The following KMT2D variants were observed in gnomAD, a reference collection of about 807,000 sequenced individuals.
KMT2D encodes the protein lysine methyltransferase 2D, also known as histone-lysine N-methyltransferase 2D.
Under a neutral mutation model 512.7 loss-of-function variants are expected in KMT2D, and 55 were observed. The ratio of observed to expected loss-of-function variants is 0.11; its 90% confidence interval spans 0.09 to 0.13. The LOEUF (loss-of-function observed/expected upper bound fraction) is 0.13, where lower values mean the gene tolerates loss of function less well. KMT2D is among the 10% of genes least tolerant of loss of function. KMT2D has a pLI of 1.00. For missense variants in KMT2D, 6,061 were observed against 7,127.9 expected (o/e 0.85, Z 5.39); for synonymous variants, 2,995 against 2,904.0 (o/e 1.03, Z -1.01).
rs2120513173 is a variant in KMT2D, at chr12:49,039,581, T to C, written c.8083A>G (p.Ile2695Val). The change falls in exon 33 of 55, where the codon ATC becomes GTC. Residue 2695 changes from isoleucine to valine, a missense_variant. Physicochemically the swap from Ile to Val is conservative, Grantham distance 29 (BLOSUM62 3). Around this residue, in one of 16 missense-constraint regions of KMT2D, gnomAD observed 527 missense variants for 578.9 expected, o/e 0.91. Transcript: ENST00000301067. The surrounding 1 kb of genome is among the most constrained non-coding windows in gnomAD (Gnocchi z 5.0). ...TCCTGCCGCAGGGTGTTGCGCTGGA[T>C]CTGCTGCCGAATCAGCAGCTCTCGT... is the stretch of plus-strand genomic sequence containing the variant. ...RLRELLIRQQ[I>V]QRNTLRQEKE... 1 of 1,611,004 alleles carries C rather than the reference T, an allele frequency of 6.2e-7. No homozygotes were observed. Among genetic ancestry groups the C allele is most frequent in the African/African-American group, 1.3e-5 (1 of 75,026 alleles).
rs2120706674 is a variant in KMT2D at position 49,054,281 on chromosome 12, T to C, written c.510+26A>G. 1.3e-6 allele frequency: 2 copies of C among 1,563,256 alleles called. No individual in the cohort carries two copies. Among genetic ancestry groups the C allele is most frequent in the Non-Finnish European group, 1.7e-6 (2 of 1,152,350 alleles). On this transcript the variant is annotated intron_variant, in intron 5 of 54. Coordinates refer to ENST00000301067, the MANE Select transcript of KMT2D (RefSeq NM_003482.4). This position sits in a 1 kb window ranked among gnomAD's most constrained non-coding sequence, Gnocchi z 6.4. ...AAGCCCACCAGCCCTGCCCTTCACC[T>C]ATGCAATCCCCTGGCCCAGCCCCAC...
Position 49,031,307 on chromosome 12 carries a change from T to A in KMT2D, c.13398A>T (p.Leu4466=). 6.2e-7 allele frequency: 1 copy of A among 1,613,488 alleles called. No individual in the cohort carries two copies. Among genetic ancestry groups the A allele is most frequent in the South Asian group, 1.1e-5 (1 of 91,078 alleles). Residue 4466 remains leucine (L), a synonymous_variant, in exon 40 of 55, where the codon CTA becomes CTT. Coordinates refer to ENST00000301067, the MANE Select transcript of KMT2D (RefSeq NM_003482.4). Reference sequence around the variant, plus strand: ...TGAGTTGCACATTCTTTGCCCGGAGTAGCTTCTGCAAGAGCAGATGCCCAG... The same window carrying A: ...TGAGTTGCACATTCTTTGCCCGGAGAAGCTTCTGCAAGAGCAGATGCCCAG... ...SEAGHLLLQK[L]LRAKNVQLST... is the part of the protein sequence containing the mutation.
rs1041805872 is a variant in KMT2D at position 49,040,062 on chromosome 12, G to A, written c.7708C>T (p.Pro2570Ser). ...GTGCTTTGAGGCTTGCCCAAGGTGG[G>A]GCCGGGCCCAAAATGGCTGTTGATC... ...HGINSHFGPG[P>S]TLGKPQSTNY... Residue 2570 changes from proline to serine, a missense_variant, in exon 32 of 55, where the codon CCC becomes TCC. Transcript: ENST00000301067. 5 of 1,613,842 alleles carry A rather than the reference G, an allele frequency of 3.1e-6. No individual in the cohort carries two copies. In the African/African-American group the frequency reaches 5.3e-5, roughly 17 times the overall value.
At chr12:49,053,665 G>A (rs1166664002) in intron 6 of KMT2D, 24 bp from the exon 7 acceptor site, 5 of 1,576,158 alleles carry the variant, frequency 3.2e-6, no homozygotes, top group African/African-American at 1.4e-5. Flanking sequence ...AGACACCACA[G>A]GTCAGCTATG....
rs184914910 is a variant in KMT2D, at chr12:49,025,726, C to T, written c.15784+456G>A. On this transcript the variant is annotated intron_variant, in intron 49 of 54. Coordinates refer to ENST00000301067, the MANE Select transcript of KMT2D (RefSeq NM_003482.4). The stretch of plus-strand genomic sequence containing the variant: ...AGGGTTGTATGAACAAAATAAACTA[C>T]ACAAATCACTTAGCTTAGTTTGTGG... 3.5e-4 allele frequency among the ~76,000 whole-genome samples: 53 copies of T among 152,290 alleles called. No homozygotes were observed. In the East Asian group the frequency reaches 7.1e-3, roughly 20 times the overall value.
rs930578096 is a variant in KMT2D, at chr12:49,049,941, G to T, written c.3647C>A (p.Ala1216Asp). The T allele has an allele frequency of 1.9e-6, 3 of 1,613,842 alleles. No homozygotes were observed. The Admixed American group carries it at 5.0e-5, about 27-fold the overall frequency. ...CTCTGAGCCAGGAAAACTGGCACTGGCATCACCCTGGCTCAGATTAGAGAT... is the reference window on the plus strand; with the variant it reads ...CTCTGAGCCAGGAAAACTGGCACTGTCATCACCCTGGCTCAGATTAGAGAT... The part of the protein sequence containing the change: ...NEISNLSQGD[A>D]SASFPGSEPL... The change falls in exon 12 of 55, where the codon GCC becomes GAC. Residue 1216 changes from alanine to aspartate, a missense_variant. Around this residue, in one of 16 missense-constraint regions of KMT2D, gnomAD observed 447 missense variants for 500.1 expected, o/e 0.89. Coordinates refer to ENST00000301067, the MANE Select transcript of KMT2D (RefSeq NM_003482.4).
At chr12:49,045,487 A>T (rs527923079) in intron 19 of KMT2D, among the ~76,000 whole-genome samples, 25 of 152,062 alleles carry the variant, frequency 1.6e-4, no homozygotes, top group Non-Finnish European at 7.4e-5. Context: ...ACTAAAAAAT[A>T]CAAAAAATTA....
In KMT2D at chr12:49,043,368, G is replaced by C. The variant is rs376180339; in HGVS notation, c.5528C>G (p.Thr1843Arg). The C allele has an allele frequency of 1.9e-6, 3 of 1,613,774 alleles. No homozygotes were observed. In the African/African-American group the frequency reaches 4.0e-5, roughly 22 times the overall value. Residue 1843 changes from threonine (T) to arginine (R), a missense_variant, in exon 25 of 55, where the codon ACA becomes AGA. Thr to Arg is a moderately conservative substitution (Grantham distance 71). Transcript: ENST00000301067. Reference sequence around the variant, plus strand: ...GTAACCCCGGCAGCCCTCACCTGGTGTATCGGCTTTGCCCTCGAGGCCACG... The same window carrying C: ...GTAACCCCGGCAGCCCTCACCTGGTCTATCGGCTTTGCCCTCGAGGCCACG... ...ESRGLEGKAD[T>R]PGPEDGGVKA...
intron 46 of KMT2D, 43 bp from the exon 47 acceptor site, chr12:49,028,184 G>A (rs1214394736): frequency 1.9e-6 from 3 of 1,612,444 alleles, no homozygotes; most frequent in South Asian, 1.1e-5. Context: ...TATCAGCCAA[G>A]TGTCTGAGGT....
intron 48 of KMT2D, 86 bp from the exon 49 acceptor site, chr12:49,027,408 A>G: frequency 4.6e-6 from 5 of 1,083,934 alleles, no homozygotes; most frequent in Non-Finnish European, 6.6e-6. Flanking sequence ...CACCCTCCCA[A>G]AAGGCCTCCA....
intron 8 of KMT2D, 49 bp from the exon 9 acceptor site, chr12:49,053,121 T>C: frequency 6.2e-7 from 1 of 1,613,038 alleles, no homozygotes; most frequent in Non-Finnish European, 8.5e-7. Context: ...CAGCAAAGAC[T>C]AAACGAAAGT....
At position 49,040,565 on chromosome 12, in the gene KMT2D, GAGCGAGGGGGCAGAGCACAGC is replaced by G; in HGVS notation, c.7184_7204del (p.Cys2395_Arg2401del). The G allele has an allele frequency of 6.2e-7, 1 of 1,612,824 alleles. No individual in the cohort carries two copies. Among genetic ancestry groups the G allele is most frequent in the Non-Finnish European group, 8.5e-7 (1 of 1,179,138 alleles). On this transcript the variant is annotated inframe_deletion, in exon 32 of 55. Transcript: ENST00000301067. ...TCGGGAGAAAGGGTCGGAGGGCAGT[GAGCGAGGGGGCAGAGCACAGC>G]AGCTCTCAGGGGGCGGAGGTTGGGG...
In KMT2D at chr12:49,019,274, G is replaced by A. The variant is rs1246823650; in HGVS notation, c.*2506C>T. On this transcript the variant is annotated 3_prime_UTR_variant, in exon 55 of 55. Coordinates refer to ENST00000301067, the MANE Select transcript of KMT2D (RefSeq NM_003482.4). ...GCGATTTATTTTTTAAAAAGGGGGA[G>A]GGTCCTGGAGGTGAGGGGAGAAGAC... 3.2e-6 allele frequency: 2 copies of A among 626,090 alleles called. No individual in the cohort carries two copies. 38.8% of individuals were successfully genotyped at this position (626,090 alleles called of 1,614,324 possible).
At chr12:49,059,012 C>A (rs1219865257) in intron 1 of KMT2D, among the ~76,000 whole-genome samples, 1 of 152,124 alleles carries the variant, frequency 6.6e-6, no homozygotes, top group Non-Finnish European at 1.5e-5. Flanking sequence ...CAGAACTGCC[C>A]CAGCCCCGCC....
In KMT2D at chr12:49,021,652, G is replaced by A; in HGVS notation, c.*128C>T. On this transcript the variant is annotated 3_prime_UTR_variant, in exon 55 of 55. Transcript: ENST00000301067. The stretch of plus-strand genomic sequence containing the variant: ...CTCTGCCCCAGCCTCCTGCTCCAGG[G>A]GCTCCGGGTCAGCCGGCAGCCCCAA... 1.3e-6 allele frequency: 1 copy of A among 766,708 alleles called. No homozygotes were observed. The highest frequency in any genetic ancestry group is 2.1e-6 in the Non-Finnish European group (1 of 471,808). 47.5% of individuals were successfully genotyped at this position (766,708 alleles called of 1,614,324 possible).
At chr12:49,049,471 T>G (rs1374886629) in intron 12 of KMT2D, among the ~76,000 whole-genome samples, 1 of 152,176 alleles carries the variant, frequency 6.6e-6, no homozygotes, top group Admixed American at 6.5e-5. Flanking sequence ...AAGAACCAAG[T>G]TTCTGGTCCC....
chr12:49,053,706 A>G (rs1938228908), intron 6 of KMT2D, 65 bp from the exon 7 acceptor site: 1 of 1,499,120 alleles, frequency 6.7e-7, no homozygotes, highest in Non-Finnish European at 9.0e-7. Context: ...ACATTGCTGT[A>G]CACAAAACAG....
chr12:49,027,214 G>T lies in KMT2D; in HGVS notation c.14752C>A (p.Pro4918Thr). The T allele has an allele frequency of 6.5e-7, 1 of 1,538,292 alleles. No homozygotes were observed. Among genetic ancestry groups the T allele is most frequent in the Non-Finnish European group, 8.7e-7 (1 of 1,145,302 alleles). Residue 4918 changes from proline to threonine, a missense_variant, in exon 49 of 55, where the codon CCT becomes ACT. Physicochemically the swap from Pro to Thr is conservative, Grantham distance 38 (BLOSUM62 -1). Around this residue, in one of 16 missense-constraint regions of KMT2D, gnomAD observed 1,600 missense variants for 1,754.9 expected, o/e 0.91. Transcript: ENST00000301067. The stretch of plus-strand genomic sequence containing the variant: ...GCAGGAGAAGGTGCCAAGGGGGAAG[G>T]GGGCGGGGAGGGTTCTTCAGGAGGT... ...APPPEEPSPP[P>T]SPLAPSPASP...
At position 49,032,806 on chromosome 12, in the gene KMT2D, G is replaced by T; in HGVS notation, c.11899C>A (p.Gln3967Lys). 1.9e-6 allele frequency: 3 copies of T among 1,551,906 alleles called. No homozygotes were observed. The highest frequency in any genetic ancestry group is 2.6e-6 in the Non-Finnish European group (3 of 1,147,342). The change falls in exon 40 of 55, where the codon CAA (glutamine) becomes AAA (lysine). Residue 3967 changes from glutamine to lysine, a missense_variant. Physicochemically the swap from Gln to Lys is moderately conservative, Grantham distance 53. Around this residue, in one of 16 missense-constraint regions of KMT2D, gnomAD observed 1,600 missense variants for 1,754.9 expected, o/e 0.91. Coordinates refer to ENST00000301067, the MANE Select transcript of KMT2D (RefSeq NM_003482.4). ...ATCTGCTGCTGTTGCTGCTGCTGTT[G>T]AAACTGCTGCTGTTGTTGTTGCTGT... Reference protein sequence around the residue: ...QQQQQQQQQFQQQQQQQQMGL... With the variant: ...QQQQQQQQQFKQQQQQQQMGL...
Sources: gnomAD v4.1 joint callset for allele counts (sites outside exome capture counted in the v4.1 genomes callset) on GRCh38, gnomAD v4.1.1 for gene constraint, gnomAD v4.1.1 regional missense constraint, Gnocchi (gnomAD v3.1) non-coding constraint, MANE v1.5 for transcripts, NCBI Gene and HGNC (gene_info 2026-07-23, HGNC 2026-07-21) for gene names.